TAC3: variants seen among roughly 807,000 people sequenced by gnomAD.
TAC3 encodes the protein tachykinin-3.
A neutral mutation model predicts 16.5 loss-of-function variants in TAC3; 9 were observed. The ratio of observed to expected loss-of-function variants is 0.55; its 90% CI spans 0.33 to 0.95. TAC3 has a LOEUF of 0.95. Ranked by LOEUF, TAC3 falls within the 40% of genes least tolerant of loss-of-function variation. The pLI, the probability that TAC3 is intolerant of heterozygous loss-of-function variation, is 0.03. For synonymous variants in TAC3, 52 were observed against 56.7 expected (o/e 0.92, Z 0.37); for missense variants, 129 against 149.1 (o/e 0.87, Z 0.70).
At chr12:57,015,215 T>C (rs1049301270) in intron 2 of TAC3, among the ~76,000 whole-genome samples, 1 of 152,154 alleles carries the variant, frequency 6.6e-6, no homozygotes, top group African/African-American at 2.4e-5. Context: ...ATAAGGGAAT[T>C]TATTTGCATT....
chr12:57,011,019 C>CTTTATG, intron 6 of TAC3: 1 of 152,634 alleles, frequency 6.6e-6, no homozygotes, highest in African/African-American at 2.4e-5. Flanking sequence ...CAGTGCATAA[C>CTTTATG]GCTGGAGCAG....
rs139436053 is a variant in TAC3 at position 57,013,590 on chromosome 12, G to T, written c.196C>A (p.Gln66Lys). 3 of 1,613,356 alleles carry T rather than the reference G, an allele frequency of 1.9e-6. No homozygotes were observed. Among genetic ancestry groups the T allele is most frequent in the African/African-American group, 1.3e-5 (1 of 74,890 alleles). The change falls in exon 3 of 7, where the codon CAG becomes AAG. Residue 66 changes from glutamine to lysine, a missense_variant. Transcript: ENST00000458521. ...GGCCGCCTCCTACCTGTGCTAGCCT[G>T]GCTCAGGGCTTTGAGCAATCCCTCC... ...SLEGLLKALSQASTDPKESTS... is the reference protein window; with the variant it reads ...SLEGLLKALSKASTDPKESTS...
At chr12:57,012,033 T>C (rs1956304886) in intron 6 of TAC3, 1 of 322,596 alleles carries the variant, frequency 3.1e-6, no homozygotes, top group Non-Finnish European at 6.0e-6. Context: ...TATCAGATAA[T>C]AATTTCTCCA....
At chr12:57,012,617 CTACCTTA>C in intron 5 of TAC3, 165 bp from the exon 6 acceptor site, 1 of 1,612,948 alleles carries the variant, frequency 6.2e-7, no homozygotes, top group Non-Finnish European at 8.5e-7. Context: ...TGCAACAGGA[CTACCTTA>C]TAAAGGTCTC....
At chr12:57,013,164 C>T in intron 4 of TAC3, 195 bp downstream of exon 4, 3 of 758,102 alleles carry the variant, frequency 4.0e-6, no homozygotes, top group Non-Finnish European at 6.7e-6. Context: ...AGGGAGAGCC[C>T]ACCATGCCCC....
chr12:57,013,522 C>T (rs930314227), intron 3 of TAC3, 56 bp downstream of exon 3: 48 of 1,596,416 alleles, frequency 3.0e-5, no homozygotes, highest in Non-Finnish European at 3.9e-5. Context: ...TCTCCCAGGC[C>T]TCTTATCTTC....
intron 5 of TAC3, 185 bp from the exon 6 acceptor site, chr12:57,012,637 C>T: frequency 6.2e-7 from 1 of 1,613,114 alleles, no homozygotes; most frequent in Non-Finnish European, 8.5e-7. Context: ...AAGGTCTCTG[C>T]TCCTCTGTTC....
At chr12:57,012,513 T>A in intron 5 of TAC3, 61 bp from the exon 6 acceptor site, 1 of 1,608,214 alleles carries the variant, frequency 6.2e-7, no homozygotes, top group South Asian at 1.1e-5. Flanking sequence ...TACACCCTGA[T>A]CCAACAGCAA....
At chr12:57,015,144 A>T (rs1208973051) in intron 2 of TAC3, among the ~76,000 whole-genome samples, 1 of 152,106 alleles carries the variant, frequency 6.6e-6, no homozygotes, top group Non-Finnish European at 1.5e-5. Context: ...GAGAAAAGAG[A>T]AGAAGGAAGG....
chr12:57,014,638 A>C (rs1285758660), intron 2 of TAC3, among the ~76,000 whole-genome samples: 1 of 152,044 alleles, frequency 6.6e-6, no homozygotes, highest in African/African-American at 2.4e-5. Context: ...CAGATACTCT[A>C]ACTATCCTGG....
At chr12:57,011,021 CTGGAG>C in intron 6 of TAC3, 1 of 152,694 alleles carries the variant, frequency 6.5e-6, no homozygotes, top group African/African-American at 2.4e-5. Flanking sequence ...GTGCATAACG[CTGGAG>C]CAGAGTATGT....
intron 6 of TAC3, among the ~76,000 whole-genome samples, chr12:57,011,282 G>A (rs1956293965): frequency 6.6e-6 from 1 of 152,200 alleles, no homozygotes; most frequent in African/African-American, 2.4e-5. Context: ...CTTGAGACCA[G>A]TGAGTATGGG....
Position 57,012,381 on chromosome 12 carries a change from A to T in TAC3, c.364T>A (p.Ter122LysextTer11). 1 of 1,612,432 alleles carries T rather than the reference A, an allele frequency of 6.2e-7. No homozygotes were observed. Among genetic ancestry groups the T allele is most frequent in the Non-Finnish European group, 8.5e-7 (1 of 1,179,462 alleles). Reference sequence around the variant, plus strand: ...CTCTCTAATGAACAATCCTTACCCTATTCTGCTCTCGGGGGATACTTGAGG... The same window carrying T: ...CTCTCTAATGAACAATCCTTACCCTTTTCTGCTCTCGGGGGATACTTGAGG... ...GILKYPPRAE[*>K] The change falls in exon 6 of 7, where the codon TAG becomes AAG. Residue 122 changes from the stop codon to lysine, a stop_lost. Coordinates refer to ENST00000458521, the MANE Select transcript of TAC3 (RefSeq NM_013251.4).
At chr12:57,013,457 C>A in intron 3 of TAC3, 69 bp from the exon 4 acceptor site, 1 of 1,600,762 alleles carries the variant, frequency 6.2e-7, no homozygotes, top group Non-Finnish European at 8.6e-7. Flanking sequence ...GGGTTCAGAT[C>A]ACAACCCTCA....
At chr12:57,012,520 G>C in intron 5 of TAC3, 68 bp from the exon 6 acceptor site, 2 of 1,605,588 alleles carry the variant, frequency 1.2e-6, no homozygotes, top group Non-Finnish European at 1.7e-6. Flanking sequence ...TGATCCAACA[G>C]CAAAGGGCTG....
chr12:57,012,674 A>G (rs1565633300), intron 5 of TAC3, 148 bp downstream of exon 5: 2 of 1,613,052 alleles, frequency 1.2e-6, no homozygotes, highest in East Asian at 4.5e-5. Context: ...TGTGGATCCA[A>G]GCTGATTGGG....
chr12:57,013,772 C>T (rs987619052), intron 2 of TAC3, 101 bp from the exon 3 acceptor site: 14 of 971,558 alleles, frequency 1.4e-5, no homozygotes, highest in East Asian at 2.6e-5. Context: ...ATCCTGAATC[C>T]GACACCCTAT....
At chr12:57,013,008 G>T in intron 4 of TAC3, 133 bp from the exon 5 acceptor site, 2 of 1,114,138 alleles carry the variant, frequency 1.8e-6, no homozygotes, top group Non-Finnish European at 2.7e-6. Context: ...ACTCCTCACA[G>T]TTAGCAAGTG....
intron 1 of TAC3, among the ~76,000 whole-genome samples, 178 bp from the exon 2 acceptor site, chr12:57,015,980 G>A (rs1006775983): frequency 9.2e-5 from 14 of 152,158 alleles, no homozygotes; most frequent in Non-Finnish European, 5.9e-5. Flanking sequence ...TGAGAAGGGG[G>A]TACAGCCCTT....
Sources: gnomAD v4.1 joint callset for allele counts (sites outside exome capture counted in the v4.1 genomes callset) on GRCh38, gnomAD v4.1.1 for gene constraint, MANE v1.5 for transcripts, NCBI Gene and HGNC (gene_info 2026-07-23, HGNC 2026-07-21) for gene names.